Variants in RARB observed in about 807,000 individuals in gnomAD.
RARB encodes the protein retinoic acid receptor beta, also known as HBV-activated protein.
Under a neutral mutation model 51.9 loss-of-function variants are expected in RARB, and 17 were observed. The observed-to-expected ratio is 0.33, with a 90% confidence interval of 0.22 to 0.49. The LOEUF is 0.49. Among genes scored for constraint, RARB ranks in the 20% least tolerant of loss-of-function variants. RARB has a pLI of 0.99. For synonymous variants in RARB, 215 were observed against 195.4 expected, an observed-to-expected ratio of 1.10 and a Z score of -0.84; for missense variants, 369 against 550.8, an observed-to-expected ratio of 0.67 and a Z score of 3.30.
chr3:25,347,347 C>G (rs1705425774), intron 5 of RARB, among the ~76,000 whole-genome samples: 1 of 152,136 alleles, frequency 6.6e-6, no homozygotes. Flanking sequence ...GACCAGCTAT[C>G]CAGCCTATGA....
chr3:25,540,454 G>A (rs539368959), intron 3 of RARB, among the ~76,000 whole-genome samples: 1 of 152,200 alleles, frequency 6.6e-6, no homozygotes, highest in Non-Finnish European at 1.5e-5. Context: ...TGGTTTATCA[G>A]TGAGCTCCCT....
chr3:24,970,906 T>A (rs2125417517), intron 2 of RARB, among the ~76,000 whole-genome samples: 1 of 152,134 alleles, frequency 6.6e-6, no homozygotes, highest in South Asian at 2.1e-4. Context: ...TACTTGATGC[T>A]TATACTATTT....
At chr3:24,963,804 T>C (rs1391882744) in intron 2 of RARB, among the ~76,000 whole-genome samples, 1 of 152,140 alleles carries the variant, frequency 6.6e-6, no homozygotes, top group Admixed American at 6.5e-5. Context: ...GTGTCTTCTT[T>C]TCCAAAATCA....
chr3:25,166,692 G>T (rs868009011), intron 4 of RARB, among the ~76,000 whole-genome samples: 17 of 152,128 alleles, frequency 1.1e-4, no homozygotes, highest in African/African-American at 3.9e-4. Context: ...CAAAAATCTT[G>T]TCTGTTTTGT....
At chr3:25,252,586 T>G (rs956128993) in intron 5 of RARB, among the ~76,000 whole-genome samples, 12 of 152,252 alleles carry the variant, frequency 7.9e-5, no homozygotes, top group Non-Finnish European at 1.8e-4. Context: ...TATTCCGAAC[T>G]ATTTTATTGT....
intron 5 of RARB, among the ~76,000 whole-genome samples, chr3:25,232,503 A>G (rs56127830): frequency 0.087 from 13,231 of 152,174 alleles, 759 homozygotes; most frequent in Non-Finnish European, 0.13. Context: ...TAAGCCTAAT[A>G]AAAGAAAACT....
chr3:25,024,812 G>T (rs1405618678), intron 2 of RARB, among the ~76,000 whole-genome samples: 2 of 151,992 alleles, frequency 1.3e-5, no homozygotes, highest in Admixed American at 1.3e-4. Context: ...AATTGGCTGG[G>T]CGTGGTGACA....
intron 2 of RARB, among the ~76,000 whole-genome samples, chr3:25,040,093 T>C: frequency 6.6e-6 from 1 of 152,188 alleles, no homozygotes; most frequent in East Asian, 1.9e-4. Context: ...GTGGGTTGCA[T>C]GTACATTTTT....
chr3:25,434,649 C>T (rs959090044), intron 1 of RARB, among the ~76,000 whole-genome samples: 1 of 149,544 alleles, frequency 6.7e-6, no homozygotes, highest in East Asian at 2.0e-4. Context: ...TCAAGTGATT[C>T]TCCTGCCTCA....
chr3:25,072,013 G>C (rs1373532227), intron 3 of RARB, among the ~76,000 whole-genome samples: 4 of 152,222 alleles, frequency 2.6e-5, no homozygotes, highest in Non-Finnish European at 5.9e-5. Context: ...GTGAGGCATA[G>C]ACAGAAAATG....
At chr3:25,004,114 G>T (rs1045368363) in intron 2 of RARB, among the ~76,000 whole-genome samples, 1 of 152,024 alleles carries the variant, frequency 6.6e-6, no homozygotes, top group Non-Finnish European at 1.5e-5. Flanking sequence ...CTACCCTATT[G>T]TGCCACCATT....
chr3:24,889,400 C>T (rs1017889694), intron 2 of RARB, among the ~76,000 whole-genome samples: 2 of 152,054 alleles, frequency 1.3e-5, no homozygotes, highest in Non-Finnish European at 2.9e-5. Context: ...TTTGCAACCT[C>T]CAGTTACTGC....
intron 2 of RARB, among the ~76,000 whole-genome samples, chr3:25,013,051 T>C (rs1299813940): frequency 6.6e-6 from 1 of 152,092 alleles, no homozygotes; most frequent in African/African-American, 2.4e-5. Flanking sequence ...CAATGACTTG[T>C]TTCATCTGGC....
chr3:24,893,113 C>G (rs886845363), intron 2 of RARB, among the ~76,000 whole-genome samples: 1 of 152,210 alleles, frequency 6.6e-6, no homozygotes, highest in South Asian at 2.1e-4. Context: ...TAAATGAACT[C>G]TAGTAATGGT....
chr3:24,866,737 G>T (rs1702855905), intron 2 of RARB, among the ~76,000 whole-genome samples: 2 of 152,112 alleles, frequency 1.3e-5, no homozygotes, highest in African/African-American at 4.8e-5. Context: ...CTTGCCCACT[G>T]CCCAGATAGA....
intron 2 of RARB, among the ~76,000 whole-genome samples, chr3:25,472,150 G>A (rs1312348124): frequency 6.6e-6 from 1 of 152,194 alleles, no homozygotes; most frequent in South Asian, 2.1e-4. Flanking sequence ...ACCCCCACAA[G>A]GTACAATGTT....
intron 2 of RARB, among the ~76,000 whole-genome samples, chr3:24,904,596 C>G (rs1490407952): frequency 6.6e-6 from 1 of 152,208 alleles, no homozygotes; most frequent in Non-Finnish European, 1.5e-5. Context: ...TTGTGGAAGA[C>G]AGTGTGATGA....
chr3:25,528,873 C>G (rs1266993747), intron 3 of RARB, among the ~76,000 whole-genome samples: 1 of 152,088 alleles, frequency 6.6e-6, no homozygotes, highest in Non-Finnish European at 1.5e-5. Flanking sequence ...GAACCCTTCT[C>G]TGGATCCGTT....
chr3:24,952,200 CCTGT>C (rs1486943554), intron 2 of RARB, among the ~76,000 whole-genome samples: 1 of 151,684 alleles, frequency 6.6e-6, no homozygotes, highest in East Asian at 1.9e-4. Context: ...ATAGTGAGAC[CCTGT>C]CTATTTAAAC....
Sources: gnomAD v4.1 joint callset for allele counts (sites outside exome capture counted in the v4.1 genomes callset) on GRCh38, gnomAD v4.1.1 for gene constraint, MANE v1.5 for transcripts, NCBI Gene and HGNC (gene_info 2026-07-23, HGNC 2026-07-21) for gene names.